GLRA2: variants seen among roughly 807,000 people sequenced by gnomAD.
GLRA2 encodes glycine receptor alpha 2.
A neutral mutation model predicts 31.6 loss-of-function variants in GLRA2; 11 were observed. The observed-to-expected ratio is 0.35, with a 90% CI of 0.22 to 0.58. The LOEUF (loss-of-function observed/expected upper bound fraction) is 0.58, where lower values mean the gene tolerates loss of function less well. GLRA2 is among the 20% of genes least tolerant of loss of function. GLRA2 has a pLI of 0.84. For synonymous variants in GLRA2, 132 were observed against 134.0 expected, an observed-to-expected ratio of 0.99 and a Z score of 0.10; for missense variants, 212 against 351.8, an observed-to-expected ratio of 0.60 and a Z score of 3.18.
chrX:14,456,444 C>T, the GLRA2 span, among the ~76,000 whole-genome samples: 1 of 111,434 alleles, frequency 9.0e-6, no homozygotes, highest in Non-Finnish European at 1.9e-5. Flanking sequence ...TGCTACAGAA[C>T]ACTAGAACCC....
Position 14,730,612 on chromosome X carries a change from T to A in GLRA2, c.*127T>A. The A allele has an allele frequency of 1.0e-5, 1 of 95,681 alleles. No individual in the cohort carries two copies. The highest frequency in any genetic ancestry group is 2.0e-5 in the Non-Finnish European group (1 of 50,631). 7.9% of individuals were successfully genotyped at this position (95,681 alleles called of 1,213,427 possible). On this transcript the variant is annotated 3_prime_UTR_variant, in exon 9 of 9. Coordinates refer to ENST00000218075, the MANE Select transcript of GLRA2 (RefSeq NM_002063.4). ...GAGGGGGGAGGGAGGGTCATGGGGG[T>A]GGGTTTCCTGGCACCTACATGAAAA...
chrX:14,724,336 G>A (rs1245519319), intron 8 of GLRA2, among the ~76,000 whole-genome samples: 1 of 110,688 alleles, frequency 9.0e-6, no homozygotes, highest in South Asian at 3.8e-4. Flanking sequence ...TTAAAAATGT[G>A]AGAAATAAGC....
At chrX:14,552,125 G>C (rs976171481) in intron 2 of GLRA2, among the ~76,000 whole-genome samples, 4 of 112,093 alleles carry the variant, frequency 3.6e-5, no homozygotes, top group African/African-American at 1.3e-4. Context: ...GGCAACTTTT[G>C]TCCTTTAGCA....
chrX:14,719,170 T>G (rs1017205170), intron 8 of GLRA2, among the ~76,000 whole-genome samples: 6 of 110,754 alleles, frequency 5.4e-5, no homozygotes, highest in Non-Finnish European at 1.1e-4. Context: ...TGGTGTTTTA[T>G]TTTATTTTCT....
chrX:14,695,832 G>A (rs2091436908), intron 8 of GLRA2, among the ~76,000 whole-genome samples: 1 of 111,244 alleles, frequency 9.0e-6, no homozygotes, highest in African/African-American at 3.3e-5. Context: ...TGAGGAAGAA[G>A]GATCAAGTAT....
At chrX:14,714,436 A>G (rs2091755463) in intron 8 of GLRA2, among the ~76,000 whole-genome samples, 1 of 111,819 alleles carries the variant, frequency 8.9e-6, no homozygotes, top group South Asian at 3.7e-4. Flanking sequence ...GCAACCTTGA[A>G]CTAAAGAAAG....
chrX:14,721,842 C>T lies in GLRA2; in HGVS notation c.1081-8365C>T, dbSNP rs192331891. Among the ~76,000 whole-genome samples the T allele has an allele frequency of 4.5e-3, 500 of 111,521 alleles. 1 individual carries two copies. The highest frequency in any genetic ancestry group is 7.3e-3 in the Non-Finnish European group (387 of 53,125). On this transcript the variant is annotated intron_variant, in intron 8 of 8. Coordinates refer to ENST00000218075, the MANE Select transcript of GLRA2 (RefSeq NM_002063.4). ...AAAGCCAAGCAGCATCCTCAGTGCT[C>T]TATCTGGAAATCTCCTTAGGTAGAT...
chrX:14,723,988 G>A (rs983177267), intron 8 of GLRA2, among the ~76,000 whole-genome samples: 2 of 111,493 alleles, frequency 1.8e-5, no homozygotes, highest in East Asian at 2.8e-4. Context: ...CTGGATCCCC[G>A]GCACATAGCA....
chrX:14,514,583 C>A, the GLRA2 span, among the ~76,000 whole-genome samples: 1 of 110,870 alleles, frequency 9.0e-6, no homozygotes, highest in South Asian at 3.8e-4. Flanking sequence ...TTGGCAACAC[C>A]TTTTTAAAGT....
chrX:14,681,910 A>AAAAAATATATATATATAT (rs758563376), intron 7 of GLRA2, among the ~76,000 whole-genome samples: 1 of 41,294 alleles, frequency 2.4e-5, no homozygotes, highest in African/African-American at 1.2e-4. Context: ...AAAAAAAAAA[A>AAAAAATATATATATATAT]ATATATATAT....
chrX:14,558,427 TA>T (rs2089680985), intron 2 of GLRA2, among the ~76,000 whole-genome samples: 1 of 112,088 alleles, frequency 8.9e-6, no homozygotes, highest in African/African-American at 3.2e-5. Context: ...GTGTTAAAGA[TA>T]AAACAGACTA....
At position 14,530,013 on chromosome X, in the gene GLRA2, T is replaced by C. The variant is rs746872276; in HGVS notation, c.-45T>C. On this transcript the variant is annotated 5_prime_UTR_variant, in exon 1 of 9. Transcript: ENST00000218075. The stretch of plus-strand genomic sequence containing the variant: ...CAGACACTTTGTCCTAGCATCTTTC[T>C]GGAATCATTTCGGGATATTTTCCAC... The C allele has an allele frequency of 4.0e-6, 4 of 991,332 alleles. No individual in the cohort carries two copies. Among genetic ancestry groups the C allele is most frequent in the East Asian group, 6.1e-5 (2 of 32,878 alleles). The allele number at this position is 991,332 out of a possible 1,213,427, so 81.7% of individuals were successfully genotyped here.
At chrX:14,673,937 A>T (rs764490206) in intron 7 of GLRA2, among the ~76,000 whole-genome samples, 4 of 112,207 alleles carry the variant, frequency 3.6e-5, no homozygotes, top group Non-Finnish European at 5.6e-5. Context: ...TCTTTTCCAC[A>T]TCAGATGTTG....
chrX:14,459,970 C>T, the GLRA2 span, among the ~76,000 whole-genome samples: 1 of 111,941 alleles, frequency 8.9e-6, no homozygotes, highest in Non-Finnish European at 1.9e-5. Context: ...GGGAATGCTT[C>T]CAGTTTTTGC....
chrX:14,544,965 A>T (rs1212683912), intron 2 of GLRA2, among the ~76,000 whole-genome samples: 5 of 111,370 alleles, frequency 4.5e-5, no homozygotes, highest in African/African-American at 1.6e-4. Context: ...GCCACCTCAG[A>T]CTTAATCAAT....
At chrX:14,497,318 C>T in the GLRA2 span, among the ~76,000 whole-genome samples, 906 of 111,799 alleles carry the variant, frequency 8.1e-3, 4 homozygotes, top group Non-Finnish European at 0.014. Flanking sequence ...GATTTCAAAA[C>T]GAGAAAGCAA....
chrX:14,483,124 T>A, the GLRA2 span, among the ~76,000 whole-genome samples: 1 of 112,111 alleles, frequency 8.9e-6, no homozygotes, highest in Non-Finnish European at 1.9e-5. Flanking sequence ...GAATGTAATT[T>A]AAAGGTCTTT....
chrX:14,527,320 TAAAAG>T (rs1352301688), upstream of GLRA2, among the ~76,000 whole-genome samples: 1 of 112,008 alleles, frequency 8.9e-6, no homozygotes, highest in African/African-American at 3.2e-5. Context: ...CAACTCTTGT[TAAAAG>T]AAATGATTCG....
intron 7 of GLRA2, among the ~76,000 whole-genome samples, chrX:14,645,811 A>G (rs2090824091): frequency 8.9e-6 from 1 of 111,756 alleles, no homozygotes; most frequent in Non-Finnish European, 1.9e-5. Context: ...AAAACTGCCC[A>G]TTTGTTTGCC....
Sources: allele counts gnomAD v4.1 joint callset (sites outside exome capture counted in the v4.1 genomes callset), GRCh38; gene constraint gnomAD v4.1.1; transcripts MANE v1.5; gene names NCBI Gene and HGNC (gene_info 2026-07-23, HGNC 2026-07-21).